Variants in PRKDC observed in about 807,000 individuals in gnomAD.
The protein encoded by PRKDC is protein kinase, DNA-activated, catalytic subunit, also known as DNA-dependent protein kinase catalytic subunit.
Under a neutral mutation model 486.9 loss-of-function variants are expected in PRKDC, and 82 were observed. The observed-to-expected ratio is 0.17, with a 90% CI of 0.14 to 0.20. The LOEUF is 0.20. PRKDC is among the 10% of genes least tolerant of loss of function. PRKDC has a pLI of 1.00. For synonymous variants in PRKDC, 1,895 were observed against 1,837.0 expected, an observed-to-expected ratio of 1.03 and a Z score of -0.81; for missense variants, 4,504 against 5,038.2, an observed-to-expected ratio of 0.89 and a Z score of 3.21.
intron 30 of PRKDC, among the ~76,000 whole-genome samples, chr8:47,895,771 T>A (rs1034774694): frequency 6.6e-6 from 1 of 152,192 alleles, no homozygotes; most frequent in East Asian, 1.9e-4. Context: ...CCAGGCGTGG[T>A]AGCTCACACC....
chr8:47,861,983 A>C, intron 44 of PRKDC, 79 bp downstream of exon 44: 2 of 1,158,694 alleles, frequency 1.7e-6, no homozygotes, highest in Non-Finnish European at 2.4e-6. Context: ...GAATATTGGC[A>C]ACTTAACGTG....
At chr8:47,836,916 A>C (rs1218259782) in intron 57 of PRKDC, among the ~76,000 whole-genome samples, 1 of 152,214 alleles carries the variant, frequency 6.6e-6, no homozygotes, top group African/African-American at 2.4e-5. Context: ...CAACCTGCCC[A>C]TCATCCCACT....
rs2086839943 is a variant in PRKDC at position 47,789,031 on chromosome 8, T to C, written c.10777A>G (p.Arg3593Gly). Residue 3593 changes from arginine to glycine, a missense_variant, in exon 76 of 86, where the codon AGA becomes GGA. Physicochemically the swap from Arg to Gly is moderately radical, Grantham distance 125. Transcript: ENST00000314191. ...ACAGGGGTTTTTGCTAGTTCAGCTC[T>C]TACATCATTGCTCCAATCCTGTCAG... ...LLFKDWSNDV[R>G]AELAKTPVNK... 4 of 1,613,008 alleles carry C rather than the reference T, an allele frequency of 2.5e-6. No homozygotes were observed. Among genetic ancestry groups the C allele is most frequent in the Non-Finnish European group, 3.4e-6 (4 of 1,179,588 alleles).
At chr8:47,856,017 C>G (rs537345367) in intron 49 of PRKDC, among the ~76,000 whole-genome samples, 1 of 152,316 alleles carries the variant, frequency 6.6e-6, no homozygotes, top group South Asian at 2.1e-4. Context: ...TTGAGTTCAG[C>G]TGAGCCACTG....
At chr8:47,923,740 T>C (rs1460214153) in intron 21 of PRKDC, among the ~76,000 whole-genome samples, 1 of 152,234 alleles carries the variant, frequency 6.6e-6, no homozygotes, top group Non-Finnish European at 1.5e-5. Context: ...TTGAGAATCA[T>C]GCTCCAGCCG....
intron 40 of PRKDC, among the ~76,000 whole-genome samples, chr8:47,873,691 A>G (rs1018400391): frequency 6.6e-6 from 1 of 152,216 alleles, no homozygotes. Context: ...GGAATGAGAT[A>G]CTGTCATTTG....
chr8:47,815,372 A>C (rs1023187903), intron 68 of PRKDC, among the ~76,000 whole-genome samples: 1 of 152,228 alleles, frequency 6.6e-6, no homozygotes, highest in African/African-American at 2.4e-5. Flanking sequence ...AGATATCTAT[A>C]TGGAAAAAGT....
chr8:47,785,440 A>T, intron 76 of PRKDC, 123 bp from the exon 77 acceptor site: 1 of 845,856 alleles, frequency 1.2e-6, no homozygotes. Flanking sequence ...TGCTTTTAAG[A>T]TGTATAGTTT....
Position 47,898,177 on chromosome 8 carries a change from A to C in PRKDC, c.3464+293T>G, listed in dbSNP as rs116089098. ...CTAGTCAAATCATCCACATCAAAAC[A>C]TGTTCAAAATTAGTGCATATTAAAT... On this transcript the variant is annotated intron_variant, in intron 29 of 85. Coordinates refer to ENST00000314191, the MANE Select transcript of PRKDC (RefSeq NM_006904.7). Among the ~76,000 whole-genome samples, 730 of 152,354 alleles carry C rather than the reference A, an allele frequency of 4.8e-3. 7 individuals are homozygous for C. Among genetic ancestry groups the C allele is most frequent in the African/African-American group, 0.017 (692 of 41,572 alleles).
chr8:47,783,287 A>G (rs1453451965), intron 78 of PRKDC, among the ~76,000 whole-genome samples: 1 of 147,434 alleles, frequency 6.8e-6, no homozygotes, highest in Admixed American at 6.8e-5. Context: ...TCAAAAAAAA[A>G]AAAGAAAAAA....
In PRKDC at chr8:47,846,832, A is replaced by G. The variant is rs372513623; in HGVS notation, c.7280+2322T>C. On this transcript the variant is annotated intron_variant, in intron 54 of 85. Transcript: ENST00000314191. ...TTCTAGGATACAAAATCAATGTACA[A>G]AAATCAGTAACATTTCTATACACCA... 2.0e-4 allele frequency among the ~76,000 whole-genome samples: 30 copies of G among 152,344 alleles called. 1 individual carries two copies. The highest frequency in any genetic ancestry group is 6.5e-4 in the African/African-American group (27 of 41,576).
chr8:47,933,976 C>A lies in PRKDC; in HGVS notation c.1612G>T (p.Asp538Tyr). The change falls in exon 15 of 86, where the codon GAC (aspartate) becomes TAC (tyrosine). Residue 538 changes from aspartate to tyrosine, a missense_variant. Coordinates refer to ENST00000314191, the MANE Select transcript of PRKDC (RefSeq NM_006904.7). ...ATGGTAAATGTTACCATCATCTGGT[C>A]AGAGCTCAGGAGATGTCTGAAGAGA... ...VDLFRHLLSS[D>Y]QMMDSILADE... 1 of 1,612,130 alleles carries A rather than the reference C, an allele frequency of 6.2e-7. No homozygotes were observed. The highest frequency in any genetic ancestry group is 8.5e-7 in the Non-Finnish European group (1 of 1,179,316).
chr8:47,800,857 A>C lies in PRKDC; in HGVS notation c.10052T>G (p.Ile3351Ser). The C allele has an allele frequency of 6.2e-7, 1 of 1,613,516 alleles. No homozygotes were observed. Among genetic ancestry groups the C allele is most frequent in the Non-Finnish European group, 8.5e-7 (1 of 1,179,734 alleles). Residue 3351 changes from isoleucine (I) to serine (S), a missense_variant, in exon 71 of 86, where the codon ATC (isoleucine) becomes AGC (serine). By Grantham distance (142) the Ile-to-Ser change is moderately radical (BLOSUM62 -2). Coordinates refer to ENST00000314191, the MANE Select transcript of PRKDC (RefSeq NM_006904.7). Reference protein sequence around the residue: ...LSSEPACLAEIEEDKARRILE... With the variant: ...LSSEPACLAESEEDKARRILE... ...GATTCTTCTAGCCTTGTCCTCCTCGATTTCAGCAAGGCAGGCTGGCTCACT... is the reference window on the plus strand; with the variant it reads ...GATTCTTCTAGCCTTGTCCTCCTCGCTTTCAGCAAGGCAGGCTGGCTCACT...
chr8:47,907,323 A>C (rs971942795), intron 25 of PRKDC, among the ~76,000 whole-genome samples: 3 of 150,788 alleles, frequency 2.0e-5, no homozygotes, highest in Non-Finnish European at 2.9e-5. Context: ...TACAGGCGTG[A>C]GCCACCGCGC....
rs963038491 is a variant in PRKDC, at chr8:47,918,020, ATTT to A, written c.2526+254_2526+256del. Among the ~76,000 whole-genome samples the A allele has an allele frequency of 6.3e-4, 96 of 152,046 alleles. 1 individual carries two copies. Among genetic ancestry groups the A allele is most frequent in the African/African-American group, 2.2e-3 (90 of 41,482 alleles). ...CCACCACACCCAGCTAATTTTTTGT[ATTT>A]TTTAATAGAGACAGGGTCTTCCTAT... On this transcript the variant is annotated intron_variant, in intron 22 of 85. Coordinates refer to ENST00000314191, the MANE Select transcript of PRKDC (RefSeq NM_006904.7).
At chr8:47,924,190 T>C (rs995094242) in intron 21 of PRKDC, among the ~76,000 whole-genome samples, 2 of 152,170 alleles carry the variant, frequency 1.3e-5, no homozygotes, top group African/African-American at 4.8e-5. Context: ...TTCTATAAAA[T>C]ACAGTATTCT....
chr8:47,919,107 A>T (rs1292965425), intron 21 of PRKDC, among the ~76,000 whole-genome samples: 1 of 152,192 alleles, frequency 6.6e-6, no homozygotes, highest in Admixed American at 6.5e-5. Flanking sequence ...TCTCCCACAC[A>T]ACTGCCACAC....
At chr8:47,928,741 T>TACTCCTGG in intron 19 of PRKDC, among the ~76,000 whole-genome samples, 1 of 152,106 alleles carries the variant, frequency 6.6e-6, no homozygotes, top group South Asian at 2.1e-4. Flanking sequence ...TGGAGTACAG[T>TACTCCTGG]AGTGCAATCT....
chr8:47,893,969 T>G (rs1395734858), intron 30 of PRKDC, among the ~76,000 whole-genome samples: 1 of 152,224 alleles, frequency 6.6e-6, no homozygotes, highest in Non-Finnish European at 1.5e-5. Flanking sequence ...TCAAAACATG[T>G]ATCTCTGATG....
Sources: gnomAD v4.1 joint callset for allele counts (sites outside exome capture counted in the v4.1 genomes callset) on GRCh38, gnomAD v4.1.1 for gene constraint, MANE v1.5 for transcripts, NCBI Gene and HGNC (gene_info 2026-07-23, HGNC 2026-07-21) for gene names.